CDH4: variants seen among roughly 807,000 people sequenced by gnomAD.
The protein encoded by CDH4 is cadherin 4, also known as cadherin-4.
CDH4 carries 33 observed loss-of-function variants against 86.0 expected under a neutral mutation model. The ratio of observed to expected loss-of-function variants is 0.38; its 90% CI spans 0.29 to 0.51. The LOEUF is 0.51. Ranked by LOEUF, CDH4 falls within the 20% of genes least tolerant of loss-of-function variation. CDH4 has a pLI of 0.86. For synonymous variants in CDH4, 555 were observed against 549.4 expected, an observed-to-expected ratio of 1.01 and a Z score of -0.14; for missense variants, 1,114 against 1,307.4, an observed-to-expected ratio of 0.85 and a Z score of 2.28.
chr20:61,796,090 CAGGG>C (rs1418451621), intron 4 of CDH4, among the ~76,000 whole-genome samples: 1 of 152,010 alleles, frequency 6.6e-6, no homozygotes, highest in African/African-American at 2.4e-5. Flanking sequence ...GACCACCATC[CAGGG>C]AGGCTCCCGG....
chr20:61,495,235 C>CT (rs2085652067), intron 2 of CDH4, among the ~76,000 whole-genome samples: 1 of 152,224 alleles, frequency 6.6e-6, no homozygotes, highest in Non-Finnish European at 1.5e-5. Context: ...GGTTCTGGAC[C>CT]TAGACCTTCA....
chr20:61,630,461 G>A (rs1000533984), intron 2 of CDH4, among the ~76,000 whole-genome samples: 7 of 152,276 alleles, frequency 4.6e-5, no homozygotes, highest in African/African-American at 1.7e-4. Flanking sequence ...GACGCTCAGC[G>A]GGGCAGGTCA....
intron 4 of CDH4, among the ~76,000 whole-genome samples, chr20:61,803,379 ACGGG>A (rs963544773): frequency 2.0e-4 from 31 of 152,332 alleles, no homozygotes; most frequent in African/African-American, 7.2e-4. Context: ...ATACCAAGAG[ACGGG>A]CGGTATTTAA....
intron 2 of CDH4, among the ~76,000 whole-genome samples, chr20:61,352,769 A>T (rs1274632041): frequency 6.6e-6 from 1 of 151,956 alleles, no homozygotes; most frequent in East Asian, 1.9e-4. Context: ...GGTCACCTGC[A>T]CTGCATTTTC....
At chr20:61,913,691 C>G (rs1335397448) in intron 9 of CDH4, among the ~76,000 whole-genome samples, 1 of 152,226 alleles carries the variant, frequency 6.6e-6, no homozygotes, top group Non-Finnish European at 1.5e-5. Context: ...TGGGGATGCT[C>G]CTGAGAAGGC....
At chr20:61,843,180 G>A (rs1982253889) in intron 4 of CDH4, among the ~76,000 whole-genome samples, 1 of 151,368 alleles carries the variant, frequency 6.6e-6, no homozygotes, top group South Asian at 2.1e-4. Flanking sequence ...GCCAGGCGCG[G>A]TGGCTCACGC....
chr20:61,275,443 G>A (rs1221055242), intron 2 of CDH4, among the ~76,000 whole-genome samples: 1 of 128,810 alleles, frequency 7.8e-6, no homozygotes, highest in African/African-American at 3.0e-5. Context: ...AGTACCGTGT[G>A]CAGTTTGGGG....
rs111234209 is a variant in CDH4, at chr20:61,718,477, G to A, written c.170-25086G>A. On this transcript the variant is annotated intron_variant, in intron 2 of 15. Transcript: ENST00000614565. ...GAGGCAGGTGCCTGCTAAGGCTGAC[G>A]CTGGTTAGAGGCAGTGCCAGGACAG... 3.9e-3 allele frequency: 1,020 copies of A among 262,692 alleles called. 11 individuals carry two copies. The highest frequency in any genetic ancestry group is 0.018 in the African/African-American group (845 of 46,002). The allele number at this position is 262,692 out of a possible 1,614,324, so 16.3% of individuals were successfully genotyped here.
At chr20:61,441,813 T>C (rs997016719) in intron 2 of CDH4, among the ~76,000 whole-genome samples, 9 of 152,178 alleles carry the variant, frequency 5.9e-5, no homozygotes, top group Admixed American at 3.3e-4. Context: ...TCTAAGCTCT[T>C]CTGTGATGGC....
At chr20:61,571,119 T>C (rs2086338810) in intron 2 of CDH4, among the ~76,000 whole-genome samples, 1 of 152,120 alleles carries the variant, frequency 6.6e-6, no homozygotes, top group African/African-American at 2.4e-5. Context: ...GGCGTGGCTG[T>C]GTGAATAACC....
chr20:61,526,293 G>A (rs181575150), intron 2 of CDH4, among the ~76,000 whole-genome samples: 281 of 152,156 alleles, frequency 1.8e-3, no homozygotes, highest in Middle Eastern at 6.8e-3. Context: ...AGGATCCAAG[G>A]ACTTAACTTT....
intron 2 of CDH4, among the ~76,000 whole-genome samples, chr20:61,457,978 A>G (rs142727029): frequency 0.022 from 3,244 of 145,800 alleles, 162 homozygotes; most frequent in African/African-American, 0.08. Context: ...GGTCATGATG[A>G]TGACAGTGCT....
chr20:61,741,850 T>C (rs1308645205), intron 2 of CDH4, among the ~76,000 whole-genome samples: 1 of 152,140 alleles, frequency 6.6e-6, no homozygotes, highest in Non-Finnish European at 1.5e-5. Context: ...CTGTACTTTT[T>C]TTTAACTACA....
rs1474252903 is a variant in CDH4, at chr20:61,457,289, ACT to A, written c.169+202357_169+202358del. The stretch of plus-strand genomic sequence containing the variant: ...TCTGCCCACCTCTACTGTCTCTGTC[ACT>A]CTCTACCGTCTGTGGAGCAAAAGGG... On this transcript the variant is annotated intron_variant, in intron 2 of 15. Coordinates refer to ENST00000614565, the MANE Select transcript of CDH4 (RefSeq NM_001794.5). Among the ~76,000 whole-genome samples the A allele has an allele frequency of 4.6e-5, 7 of 152,040 alleles. No homozygotes were observed. The South Asian group carries it at 1.2e-3, about 27-fold the overall frequency.
chr20:61,272,114 G>GCCT (rs35689890), intron 2 of CDH4, among the ~76,000 whole-genome samples: 53 of 152,152 alleles, frequency 3.5e-4, no homozygotes, highest in Admixed American at 6.5e-4. Flanking sequence ...TTCATGCCAG[G>GCCT]CCTCCTCCTC....
Position 61,921,261 on chromosome 20 carries a change from G to A in CDH4, c.1375-2190G>A, listed in dbSNP as rs1011029222. ...GGAAGCATGGTGTCACGGTGATTGC[G>A]TGGAAGCGTGGTGTCACAGTGATTG... is the stretch of plus-strand genomic sequence containing the variant. On this transcript the variant is annotated intron_variant, in intron 9 of 15. Coordinates refer to ENST00000614565, the MANE Select transcript of CDH4 (RefSeq NM_001794.5). Among the ~76,000 whole-genome samples the A allele has an allele frequency of 4.2e-4, 58 of 139,686 alleles. 1 individual carries two copies. Among genetic ancestry groups the A allele is most frequent in the Admixed American group, 2.2e-3 (31 of 14,260 alleles). 91.6% of individuals were successfully genotyped at this position (139,686 alleles called of 152,430 possible).
chr20:61,587,000 C>T (rs2086481913), intron 2 of CDH4, among the ~76,000 whole-genome samples: 2 of 152,218 alleles, frequency 1.3e-5, no homozygotes, highest in African/African-American at 4.8e-5. Flanking sequence ...CTCCCAGCAG[C>T]CCCTGGGGTG....
intron 2 of CDH4, among the ~76,000 whole-genome samples, chr20:61,388,750 G>T (rs553830504): frequency 6.6e-6 from 1 of 152,184 alleles, no homozygotes; most frequent in Non-Finnish European, 1.5e-5. Context: ...GTATGCGTGC[G>T]CAAATACATG....
At chr20:61,597,560 G>A (rs899942967) in intron 2 of CDH4, among the ~76,000 whole-genome samples, 2 of 152,224 alleles carry the variant, frequency 1.3e-5, no homozygotes, top group African/African-American at 2.4e-5. Context: ...CAGAGGGGCC[G>A]GTTACTTCAT....
Sources: allele counts gnomAD v4.1 joint callset (sites outside exome capture counted in the v4.1 genomes callset), GRCh38; gene constraint gnomAD v4.1.1; transcripts MANE v1.5; gene names NCBI Gene and HGNC (gene_info 2026-07-23, HGNC 2026-07-21).